Variants in RSF1 observed in about 807,000 individuals in gnomAD.
The protein encoded by RSF1 is remodeling and spacing factor 1.
A neutral mutation model predicts 145.2 loss-of-function variants in RSF1; 13 were observed. That is an observed-to-expected ratio of 0.09 (90% CI 0.06 to 0.14). The LOEUF is 0.14. Among genes scored for constraint, RSF1 ranks in the 10% least tolerant of loss-of-function variants. The pLI is 1.00. For synonymous variants in RSF1, 577 were observed against 592.6 expected, an observed-to-expected ratio of 0.97 and a Z score of 0.38; for missense variants, 1,517 against 1,718.2, an observed-to-expected ratio of 0.88 and a Z score of 2.07.
chr11:77,809,127 C>CT (rs1193523225), intron 1 of RSF1, among the ~76,000 whole-genome samples: 1 of 152,204 alleles, frequency 6.6e-6, no homozygotes, highest in Non-Finnish European at 1.5e-5. Flanking sequence ...TTCTCCAACC[C>CT]TTTAACACTG....
At chr11:77,686,262 G>A (rs1434843490) in intron 9 of RSF1, among the ~76,000 whole-genome samples, 2 of 151,568 alleles carry the variant, frequency 1.3e-5, no homozygotes, top group Admixed American at 6.6e-5. Context: ...ATAAAAATTG[G>A]CCAGGTATGG....
intron 5 of RSF1, chr11:77,702,782 A>C (rs1187505925): frequency 1.3e-5 from 3 of 223,960 alleles, no homozygotes; most frequent in South Asian, 1.8e-4. Context: ...CAGTTCAAAT[A>C]ATTTATTCAA....
intron 2 of RSF1, 74 bp downstream of exon 2, chr11:77,764,524 T>C (rs745626829): frequency 1.1e-6 from 1 of 873,604 alleles, no homozygotes; most frequent in Non-Finnish European, 1.8e-6. Context: ...TTATGTGTAT[T>C]ATAAAACATA....
At chr11:77,821,114 G>T (rs1948874967), upstream of RSF1, 4 of 439,450 alleles carry the variant, frequency 9.1e-6, no homozygotes, top group East Asian at 1.1e-4. Context: ...CTCGGGCGCT[G>T]TTCAACTGCA....
intron 11 of RSF1, among the ~76,000 whole-genome samples, chr11:77,682,810 T>G (rs1959899435): frequency 6.6e-6 from 1 of 152,090 alleles, no homozygotes; most frequent in African/African-American, 2.4e-5. Flanking sequence ...AGGCATATAA[T>G]GGGGGGGATT....
intron 1 of RSF1, among the ~76,000 whole-genome samples, chr11:77,797,746 T>A (rs1181158094): frequency 1.3e-5 from 2 of 151,788 alleles, no homozygotes; most frequent in Admixed American, 6.6e-5. Flanking sequence ...TGAGAAAAAA[T>A]TTTTGCAATC....
intron 4 of RSF1, chr11:77,739,049 C>T: frequency 6.6e-6 from 1 of 152,426 alleles, no homozygotes; most frequent in Admixed American, 6.5e-5. Flanking sequence ...AAGCAATTCT[C>T]CTGCCTCAGC....
chr11:77,803,787 C>G (rs1357163713), intron 1 of RSF1, among the ~76,000 whole-genome samples: 2 of 151,580 alleles, frequency 1.3e-5, no homozygotes, highest in African/African-American at 4.8e-5. Context: ...CAAAAAAAAG[C>G]TGTTATGCAT....
At chr11:77,836,792 G>A in the RSF1 span, among the ~76,000 whole-genome samples, 7 of 152,014 alleles carry the variant, frequency 4.6e-5, no homozygotes, top group Admixed American at 2.0e-4. Flanking sequence ...ATGGAGAAAC[G>A]CCATCTCTAC....
intron 4 of RSF1, among the ~76,000 whole-genome samples, chr11:77,726,503 G>C (rs1961056859): frequency 6.6e-6 from 1 of 152,154 alleles, no homozygotes; most frequent in Non-Finnish European, 1.5e-5. Context: ...AAACAAAGGT[G>C]TGGTATGGTT....
intron 5 of RSF1, among the ~76,000 whole-genome samples, chr11:77,716,616 G>T: frequency 6.6e-6 from 1 of 152,172 alleles, no homozygotes; most frequent in East Asian, 1.9e-4. Context: ...GACTGAAGGT[G>T]TGGGGAGATG....
At chr11:77,722,608 A>C (rs1960967154) in intron 5 of RSF1, among the ~76,000 whole-genome samples, 1 of 152,232 alleles carries the variant, frequency 6.6e-6, no homozygotes, top group African/African-American at 2.4e-5. Context: ...TCTGACACTT[A>C]ATTATGTATA....
At chr11:77,692,953 GGT>G (rs1308614585) in intron 8 of RSF1, among the ~76,000 whole-genome samples, 4 of 152,184 alleles carry the variant, frequency 2.6e-5, no homozygotes, top group Non-Finnish European at 5.9e-5. Context: ...TGGGATTACA[GGT>G]GTGAGCCACT....
chr11:77,740,617 C>T, intron 4 of RSF1, 114 bp downstream of exon 4: 4 of 915,338 alleles, frequency 4.4e-6, no homozygotes, highest in Non-Finnish European at 6.8e-6. Flanking sequence ...TTGACAACTC[C>T]CAAAACTCAC....
chr11:77,701,406 T>G lies in RSF1; in HGVS notation c.1823A>C (p.Glu608Ala), dbSNP rs1435387681. The change falls in exon 6 of 16, where the codon GAA becomes GCA. Residue 608 changes from glutamate (E) to alanine (A), a missense_variant. By Grantham distance (107) the Glu-to-Ala change is moderately radical. Transcript: ENST00000308488. ...KDAQRLSPIP[E>A]EVPKSTLESE... Reference sequence around the variant, plus strand: ...CTCTAGAGTACTCTTTGGAACTTCTTCTGGTATTGGACTCAATCTTTGTGC... The same window carrying G: ...CTCTAGAGTACTCTTTGGAACTTCTGCTGGTATTGGACTCAATCTTTGTGC... The G allele has an allele frequency of 6.2e-7, 1 of 1,614,068 alleles. No individual in the cohort carries two copies. Among genetic ancestry groups the G allele is most frequent in the East Asian group, 2.2e-5 (1 of 44,878 alleles).
At chr11:77,730,242 G>A (rs978018314) in intron 4 of RSF1, among the ~76,000 whole-genome samples, 2 of 151,936 alleles carry the variant, frequency 1.3e-5, no homozygotes, top group African/African-American at 4.8e-5. Context: ...TATATTAGCA[G>A]GTTTTAGATA....
intron 1 of RSF1, among the ~76,000 whole-genome samples, chr11:77,773,099 A>C (rs1362688361): frequency 6.6e-6 from 1 of 152,220 alleles, no homozygotes; most frequent in Non-Finnish European, 1.5e-5. Flanking sequence ...CTGTGGAAAC[A>C]GAAAAATTAT....
chr11:77,684,771 T>C (rs1393147884), intron 10 of RSF1, among the ~76,000 whole-genome samples: 1 of 152,118 alleles, frequency 6.6e-6, no homozygotes, highest in Non-Finnish European at 1.5e-5. Context: ...GCAGATCACC[T>C]GAGGTCAGGA....
chr11:77,766,023 C>T (rs1431340363), intron 1 of RSF1, among the ~76,000 whole-genome samples: 1 of 152,102 alleles, frequency 6.6e-6, no homozygotes, highest in Non-Finnish European at 1.5e-5. Flanking sequence ...GCTGGGATTA[C>T]AGGCATGAGC....
Sources: allele counts gnomAD v4.1 joint callset (sites outside exome capture counted in the v4.1 genomes callset), GRCh38; gene constraint gnomAD v4.1.1; transcripts MANE v1.5; gene names NCBI Gene and HGNC (gene_info 2026-07-23, HGNC 2026-07-21).